INSR: variants seen among roughly 807,000 people sequenced by gnomAD.
The protein encoded by INSR is insulin receptor, also known as IR.
INSR carries 67 observed loss-of-function variants against 142.6 expected under a neutral mutation model. That is an observed-to-expected ratio of 0.47 (90% CI 0.39 to 0.58). INSR has a LOEUF of 0.58. INSR is among the 20% of genes least tolerant of loss of function. The pLI, the probability that INSR is intolerant of heterozygous loss-of-function variation, is 0.00. For synonymous variants in INSR, 756 were observed against 743.1 expected, an observed-to-expected ratio of 1.02 and a Z score of -0.28; for missense variants, 1,248 against 1,833.2, an observed-to-expected ratio of 0.68 and a Z score of 5.83.
chr19:7,199,875 A>G (rs1000733730), intron 2 of INSR, among the ~76,000 whole-genome samples: 2 of 151,906 alleles, frequency 1.3e-5, no homozygotes, highest in African/African-American at 4.8e-5. Context: ...CTTGCTTATT[A>G]CAGCATCCCA....
intron 2 of INSR, among the ~76,000 whole-genome samples, chr19:7,194,589 T>G (rs1974693123): frequency 7.0e-6 from 1 of 143,588 alleles, no homozygotes; most frequent in Non-Finnish European, 1.5e-5. Flanking sequence ...CTTGGCTCAC[T>G]GTAACCCCCA....
chr19:7,157,570 C>T (rs1410688978), intron 9 of INSR, among the ~76,000 whole-genome samples: 6 of 151,822 alleles, frequency 4.0e-5, no homozygotes, highest in Admixed American at 6.6e-5. Flanking sequence ...GCCTACAATA[C>T]TTAAGTACCG....
At chr19:7,174,922 A>C (rs1041441556) in intron 3 of INSR, among the ~76,000 whole-genome samples, 191 bp from the exon 4 acceptor site, 5 of 152,040 alleles carry the variant, frequency 3.3e-5, no homozygotes, top group African/African-American at 1.2e-4. Flanking sequence ...AGCTCACTGC[A>C]ACCTCTGCCT....
intron 2 of INSR, among the ~76,000 whole-genome samples, chr19:7,199,083 G>A (rs568006807): frequency 5.9e-5 from 9 of 152,080 alleles, no homozygotes; most frequent in Non-Finnish European, 1.2e-4. Flanking sequence ...ATGGGGACTC[G>A]TTGCCCAGGC....
chr19:7,210,586 C>T (rs1412191123), intron 2 of INSR, among the ~76,000 whole-genome samples: 1 of 151,974 alleles, frequency 6.6e-6, no homozygotes, highest in African/African-American at 2.4e-5. Flanking sequence ...GTAGAATGGG[C>T]TGGGAAAAAC....
rs563464531 is a variant in INSR, at chr19:7,248,299, C to A, written c.652+19046G>T. Among the ~76,000 whole-genome samples the A allele has an allele frequency of 1.6e-3, 246 of 149,512 alleles. 3 individuals are homozygous for A. Among genetic ancestry groups the A allele is most frequent in the African/African-American group, 5.9e-3 (239 of 40,582 alleles). ...TAGCTGGGACTACAGGCGTGCACCA[C>A]CGCGCCTGGCTAATTTTGCAAAAAT... On this transcript the variant is annotated intron_variant, in intron 2 of 21. Transcript: ENST00000302850.
chr19:7,127,215 T>C (rs1972667270), intron 15 of INSR, among the ~76,000 whole-genome samples: 1 of 152,168 alleles, frequency 6.6e-6, no homozygotes, highest in Non-Finnish European at 1.5e-5. Flanking sequence ...GCTTTTTAAA[T>C]AATTTATGGC....
chr19:7,198,013 C>T (rs111471425), intron 2 of INSR, among the ~76,000 whole-genome samples: 3 of 145,070 alleles, frequency 2.1e-5, no homozygotes, highest in Non-Finnish European at 4.5e-5. Context: ...GGTGGGCGAG[C>T]GTGTGTGTGT....
intron 16 of INSR, 85 bp downstream of exon 16, chr19:7,126,499 C>T (rs1345473447): frequency 1.6e-6 from 2 of 1,246,162 alleles, no homozygotes; most frequent in Non-Finnish European, 2.3e-6. Context: ...CTGGGGAACC[C>T]ATCCTTCACT....
Position 7,166,208 on chromosome 19 carries a change from G to A in INSR, c.1807C>T (p.Arg603Cys), listed in dbSNP as rs756862444. ...VKTLVTFSDE[R>C]RTYGAKSDII... ...TCACTCTTGGCCCCATAGGTCCGGC[G>A]TTCATCCGAAAAGGTGACCAGGGTC... is the stretch of plus-strand genomic sequence containing the variant. Residue 603 changes from arginine to cysteine, a missense_variant, in exon 8 of 22, where the codon CGC (arginine) becomes TGC (cysteine). Physicochemically the swap from Arg to Cys is radical, Grantham distance 180. Around this residue, in one of 3 missense-constraint regions of INSR, gnomAD observed 1,069 missense variants for 1,654.0 expected, o/e 0.65. Coordinates refer to ENST00000302850, the MANE Select transcript of INSR (RefSeq NM_000208.4). This position sits in a 1 kb window ranked among gnomAD's most constrained non-coding sequence, Gnocchi z 4.1. 6.2e-6 allele frequency: 10 copies of A among 1,614,064 alleles called. No individual in the cohort carries two copies. The highest frequency in any genetic ancestry group is 1.1e-5 in the South Asian group (1 of 91,078).
intron 9 of INSR, 32 bp downstream of exon 9, chr19:7,163,000 C>T (rs772666408): frequency 6.2e-7 from 1 of 1,611,548 alleles, no homozygotes; most frequent in Non-Finnish European, 8.5e-7. Flanking sequence ...TGTGCAAACC[C>T]CACCGATCCT....
intron 2 of INSR, among the ~76,000 whole-genome samples, chr19:7,215,063 T>C (rs2145084018): frequency 6.6e-6 from 1 of 152,138 alleles, no homozygotes; most frequent in East Asian, 1.9e-4. Context: ...TCAATGGATC[T>C]TCCTGCCTCA....
intron 2 of INSR, among the ~76,000 whole-genome samples, chr19:7,215,970 G>T (rs777833087): frequency 6.6e-6 from 1 of 152,064 alleles, no homozygotes; most frequent in Non-Finnish European, 1.5e-5. Flanking sequence ...GGGAAATTCC[G>T]ACGGGAATTG....
chr19:7,288,731 G>A (rs960686926), intron 1 of INSR, among the ~76,000 whole-genome samples: 3 of 151,574 alleles, frequency 2.0e-5, no homozygotes, highest in East Asian at 3.9e-4. Context: ...GGGAGGCTGA[G>A]GTAGGTGGAT....
chr19:7,156,614 A>C (rs1012072240), intron 9 of INSR, among the ~76,000 whole-genome samples: 5 of 152,150 alleles, frequency 3.3e-5, no homozygotes, highest in South Asian at 2.1e-4. Flanking sequence ...CAGACAGAAA[A>C]AACACCAAGA....
chr19:7,172,719 T>C (rs969386625), intron 4 of INSR, among the ~76,000 whole-genome samples: 5 of 152,016 alleles, frequency 3.3e-5, no homozygotes, highest in African/African-American at 1.2e-4. Context: ...TCCTTTCCCA[T>C]ACCAGAGACT....
At chr19:7,157,167 A>G (rs1272304397) in intron 9 of INSR, among the ~76,000 whole-genome samples, 2 of 151,940 alleles carry the variant, frequency 1.3e-5, no homozygotes, top group Non-Finnish European at 2.9e-5. Flanking sequence ...TTTAGTAGAG[A>G]CGGGGTTTGG....
At chr19:7,292,574 TC>T (rs1466535560) in intron 1 of INSR, among the ~76,000 whole-genome samples, 1 of 152,034 alleles carries the variant, frequency 6.6e-6, no homozygotes, top group Non-Finnish European at 1.5e-5. Flanking sequence ...TGCACCCGTT[TC>T]CCCATCAATA....
At chr19:7,275,907 C>A (rs1041666125) in intron 1 of INSR, among the ~76,000 whole-genome samples, 1 of 152,064 alleles carries the variant, frequency 6.6e-6, no homozygotes, top group Admixed American at 6.6e-5. Flanking sequence ...CAAAGCAGAG[C>A]TGTATTGGAC....
Sources: gnomAD v4.1 joint callset for allele counts (sites outside exome capture counted in the v4.1 genomes callset) on GRCh38, gnomAD v4.1.1 for gene constraint, gnomAD v4.1.1 regional missense constraint, Gnocchi (gnomAD v3.1) non-coding constraint, MANE v1.5 for transcripts, NCBI Gene and HGNC (gene_info 2026-07-23, HGNC 2026-07-21) for gene names.